Variants in ACSL1 observed in about 807,000 individuals in gnomAD.
The protein encoded by ACSL1 is acyl-CoA synthetase long chain family member 1, also known as long-chain-fatty-acid--CoA ligase 1.
Under a neutral mutation model 98.4 loss-of-function variants are expected in ACSL1, and 41 were observed. The ratio of observed to expected loss-of-function variants is 0.42; its 90% confidence interval spans 0.32 to 0.54. ACSL1 has a LOEUF of 0.54. ACSL1 is among the 20% of genes least tolerant of loss of function. The probability of loss-of-function intolerance (pLI) is 0.13; values close to 1 mark genes in which losing one functional copy is unlikely to be tolerated. For synonymous variants in ACSL1, 316 were observed against 322.7 expected (o/e 0.98, Z 0.22); for missense variants, 734 against 883.1 (o/e 0.83, Z 2.14).
At chr4:184,808,504 A>ACC (rs1177987556) in intron 1 of ACSL1, 9 of 985,314 alleles carry the variant, frequency 9.1e-6, no homozygotes, top group Non-Finnish European at 1.1e-5. Context: ...TCTTTCCTTA[A>ACC]CGCAGCAACC....
chr4:184,784,541 A>C (rs1766887542), intron 3 of ACSL1, among the ~76,000 whole-genome samples: 3 of 152,216 alleles, frequency 2.0e-5, no homozygotes, highest in Admixed American at 2.0e-4. Context: ...AAAAGATGCA[A>C]AATGAGGTGA....
At chr4:184,768,859 C>G (rs1258179519) in intron 11 of ACSL1, among the ~76,000 whole-genome samples, 1 of 152,104 alleles carries the variant, frequency 6.6e-6, no homozygotes, top group African/African-American at 2.4e-5. Flanking sequence ...CACTTGAGGT[C>G]AGGAGTTCCA....
At chr4:184,820,461 G>C (rs1425378165) in intron 1 of ACSL1, among the ~76,000 whole-genome samples, 2 of 152,128 alleles carry the variant, frequency 1.3e-5, no homozygotes, top group African/African-American at 4.8e-5. Flanking sequence ...CAAAATTTGT[G>C]GTCTCTTTCA....
At chr4:184,818,426 C>T (rs1224369413) in intron 1 of ACSL1, among the ~76,000 whole-genome samples, 1 of 152,214 alleles carries the variant, frequency 6.6e-6, no homozygotes, top group Non-Finnish European at 1.5e-5. Context: ...ACAAACTTCA[C>T]TCAGTGAAAG....
chr4:184,784,868 A>C (rs986371016), intron 3 of ACSL1, among the ~76,000 whole-genome samples: 1 of 152,234 alleles, frequency 6.6e-6, no homozygotes, highest in African/African-American at 2.4e-5. Context: ...AACAGTCCTG[A>C]TGAAAACAGG....
At chr4:184,814,189 G>T (rs1772394436) in intron 1 of ACSL1, among the ~76,000 whole-genome samples, 1 of 151,590 alleles carries the variant, frequency 6.6e-6, no homozygotes, top group East Asian at 1.9e-4. Context: ...TACTCGGGAG[G>T]CTGAGGCAGG....
intron 2 of ACSL1, among the ~76,000 whole-genome samples, chr4:184,795,104 GC>G (rs1386191380): frequency 4.0e-5 from 6 of 150,166 alleles, no homozygotes; most frequent in Admixed American, 3.3e-4. Flanking sequence ...AAATAGGACT[GC>G]CCGTAGAAAT....
At chr4:184,763,582 C>T (rs1163702286) in intron 15 of ACSL1, among the ~76,000 whole-genome samples, 1 of 152,182 alleles carries the variant, frequency 6.6e-6, no homozygotes, top group Admixed American at 6.5e-5. Context: ...CTCCGATCGC[C>T]CCCACCCATT....
intron 2 of ACSL1, among the ~76,000 whole-genome samples, chr4:184,791,365 G>T (rs970537778): frequency 6.6e-6 from 1 of 152,220 alleles, no homozygotes; most frequent in Non-Finnish European, 1.5e-5. Flanking sequence ...GGAGAGTCAG[G>T]ATGAACAGAC....
In ACSL1 at chr4:184,788,691, T is replaced by C; in HGVS notation, c.236A>G (p.Asp79Gly). The C allele has an allele frequency of 6.2e-7, 1 of 1,614,174 alleles. No homozygotes were observed. Among genetic ancestry groups the C allele is most frequent in the Non-Finnish European group, 8.5e-7 (1 of 1,180,034 alleles). The change falls in exon 3 of 21, where the codon GAC becomes GGC. Residue 79 changes from aspartate (D) to glycine (G), a missense_variant. Physicochemically the swap from Asp to Gly is moderately conservative, Grantham distance 94. Coordinates refer to ENST00000281455, the MANE Select transcript of ACSL1 (RefSeq NM_001995.5). ...ATCATAGAAATACACCAAGGGCTCG[T>C]CGCTGTCAAGTAGTGCGGATCTTCG... ...GARRSALLDS[D>G]EPLVYFYDDV...
intron 1 of ACSL1, among the ~76,000 whole-genome samples, chr4:184,814,611 A>T (rs548030473): frequency 6.6e-6 from 1 of 152,194 alleles, no homozygotes; most frequent in Admixed American, 6.6e-5. Context: ...AAATTAATAT[A>T]AAACTTGCCA....
At chr4:184,776,733 C>T in intron 6 of ACSL1, 71 bp from the exon 7 acceptor site, 1 of 1,534,128 alleles carries the variant, frequency 6.5e-7, no homozygotes, top group Non-Finnish European at 8.8e-7. Flanking sequence ...ATATCCAGCA[C>T]AAGGATACTT....
intron 1 of ACSL1, chr4:184,815,012 C>T (rs1452594603): frequency 2.2e-6 from 1 of 456,086 alleles, no homozygotes; most frequent in South Asian, 1.5e-5. Context: ...TTTTCTTTGC[C>T]TTCAGCAAGT....
chr4:184,821,451 G>A (rs1773065411), intron 1 of ACSL1, among the ~76,000 whole-genome samples: 1 of 152,152 alleles, frequency 6.6e-6, no homozygotes, highest in South Asian at 2.1e-4. Context: ...TGGTCTACAG[G>A]CAGGCCCCGT....
intron 12 of ACSL1, among the ~76,000 whole-genome samples, chr4:184,767,346 A>G (rs1232438058): frequency 1.3e-5 from 2 of 152,074 alleles, no homozygotes; most frequent in South Asian, 2.1e-4. Context: ...GTGGAATACT[A>G]TTTGGCCGTT....
chr4:184,781,907 C>A (rs1382831884), intron 4 of ACSL1, among the ~76,000 whole-genome samples: 1 of 152,228 alleles, frequency 6.6e-6, no homozygotes, highest in Non-Finnish European at 1.5e-5. Flanking sequence ...CATACCGTGC[C>A]TGGCCTGGAG....
rs2150263027 is a variant in ACSL1 at position 184,760,440 on chromosome 4, A to G, written c.1699T>C (p.Tyr567His). The part of the protein sequence containing the change: ...KHIFKLAQGE[Y>H]IAPEKIENIY... ...TTTTCAATCTTTTCAGGGGCTATGT[A>G]TTCTCCTTGTGCCAGCTTAAATATG... Residue 567 changes from tyrosine (Y) to histidine (H), a missense_variant, in exon 18 of 21, where the codon TAC becomes CAC. Coordinates refer to ENST00000281455, the MANE Select transcript of ACSL1 (RefSeq NM_001995.5). The G allele has an allele frequency of 3.1e-6, 5 of 1,614,192 alleles. No individual in the cohort carries two copies. The highest frequency in any genetic ancestry group is 4.5e-5 in the East Asian group (2 of 44,880).
At chr4:184,781,685 T>G (rs1003551884) in intron 4 of ACSL1, among the ~76,000 whole-genome samples, 1 of 152,120 alleles carries the variant, frequency 6.6e-6, no homozygotes, top group African/African-American at 2.4e-5. Flanking sequence ...CTTGGCTCAC[T>G]GCAACTTCCT....
At chr4:184,813,389 C>T (rs1394594086) in intron 1 of ACSL1, among the ~76,000 whole-genome samples, 2 of 152,182 alleles carry the variant, frequency 1.3e-5, no homozygotes, top group Admixed American at 6.6e-5. Flanking sequence ...AGATAGCCTC[C>T]GTCAACAGCT....
Sources: allele counts gnomAD v4.1 joint callset (sites outside exome capture counted in the v4.1 genomes callset), GRCh38; gene constraint gnomAD v4.1.1; transcripts MANE v1.5; gene names NCBI Gene and HGNC (gene_info 2026-07-23, HGNC 2026-07-21).